Variants in NALCN observed in about 807,000 individuals in gnomAD.
NALCN encodes the protein sodium leak channel, non-selective, also known as sodium leak channel NALCN.
Under a neutral mutation model 225.3 loss-of-function variants are expected in NALCN, and 111 were observed. That is an observed-to-expected ratio of 0.49 (90% CI 0.42 to 0.58). NALCN has a LOEUF of 0.58. Among genes scored for constraint, NALCN ranks in the 20% least tolerant of loss-of-function variants. NALCN has a pLI of 0.00. For missense variants in NALCN, 1,378 were observed against 2,202.4 expected, an observed-to-expected ratio of 0.63 and a Z score of 7.49; for synonymous variants, 764 against 769.0, an observed-to-expected ratio of 0.99 and a Z score of 0.11.
intron 15 of NALCN, among the ~76,000 whole-genome samples, chr13:101,167,555 TGCCAGG>T (rs1321894742): frequency 1.3e-5 from 2 of 152,080 alleles, no homozygotes; most frequent in Non-Finnish European, 2.9e-5. Context: ...AATTGTAAGT[TGCCAGG>T]TTAGGTGGTT....
chr13:101,372,077 T>C (rs1386700374), intron 6 of NALCN, among the ~76,000 whole-genome samples: 1 of 152,178 alleles, frequency 6.6e-6, no homozygotes, highest in African/African-American at 2.4e-5. Flanking sequence ...TGACCCATCA[T>C]ATACCCTGGC....
At chr13:101,120,819 C>T (rs987500888) in intron 18 of NALCN, among the ~76,000 whole-genome samples, 4 of 152,140 alleles carry the variant, frequency 2.6e-5, no homozygotes, top group African/African-American at 9.7e-5. Flanking sequence ...CTTTCTGGTC[C>T]TCAACCACAG....
chr13:101,415,206 C>CATTTATATATATATAT (rs1278371508), intron 1 of NALCN, among the ~76,000 whole-genome samples: 1 of 104,810 alleles, frequency 9.5e-6, no homozygotes, highest in Non-Finnish European at 1.8e-5. Context: ...ACAAATCACA[C>CATTTATATATATATAT]ACATATATAT....
At position 101,244,783 on chromosome 13, in the gene NALCN, C is replaced by T. The variant is rs116457670; in HGVS notation, c.1267-6861G>A. Among the ~76,000 whole-genome samples the T allele has an allele frequency of 9.0e-3, 1,373 of 152,216 alleles. 24 individuals are homozygous for T. Among genetic ancestry groups the T allele is most frequent in the African/African-American group, 0.031 (1,285 of 41,516 alleles). ...TCAGTGTAGGTTATGGGGTTTGGTA[C>T]AGGACTTAAATTCAGAGGACTATAA... On this transcript the variant is annotated intron_variant, in intron 11 of 43. Coordinates refer to ENST00000251127, the MANE Select transcript of NALCN (RefSeq NM_052867.4).
intron 3 of NALCN, among the ~76,000 whole-genome samples, chr13:101,383,857 T>C (rs2046915115): frequency 6.6e-6 from 1 of 152,220 alleles, no homozygotes; most frequent in Non-Finnish European, 1.5e-5. Context: ...ACATATTTTA[T>C]ACATTACCAT....
intron 3 of NALCN, among the ~76,000 whole-genome samples, chr13:101,393,308 T>C (rs761435703): frequency 2.6e-5 from 4 of 152,188 alleles, no homozygotes; most frequent in Non-Finnish European, 4.4e-5. Context: ...AAGTCTGACA[T>C]ATTTTGAGGT....
At chr13:101,223,360 T>C (rs753661752) in intron 13 of NALCN, among the ~76,000 whole-genome samples, 1 of 152,188 alleles carries the variant, frequency 6.6e-6, no homozygotes, top group Non-Finnish European at 1.5e-5. Context: ...ATTTTACCCA[T>C]ATACCCCCAG....
At chr13:101,216,829 C>A (rs1179537600) in intron 13 of NALCN, among the ~76,000 whole-genome samples, 1 of 151,988 alleles carries the variant, frequency 6.6e-6, no homozygotes, top group Admixed American at 6.6e-5. Flanking sequence ...TTGCTTCTAT[C>A]GTGCAATAAC....
At chr13:101,339,858 A>G (rs998458629) in intron 7 of NALCN, among the ~76,000 whole-genome samples, 2 of 152,220 alleles carry the variant, frequency 1.3e-5, no homozygotes, top group Admixed American at 1.3e-4. Flanking sequence ...GGAGGGGAAT[A>G]ATTGATGAAT....
chr13:101,061,175 G>GAGTT (rs1279574803), intron 41 of NALCN, among the ~76,000 whole-genome samples: 1 of 152,160 alleles, frequency 6.6e-6, no homozygotes, highest in Non-Finnish European at 1.5e-5. Context: ...ATTAATTTAT[G>GAGTT]AGTTAGAGAA....
intron 13 of NALCN, among the ~76,000 whole-genome samples, chr13:101,198,697 T>C (rs1364197199): frequency 6.6e-6 from 1 of 152,198 alleles, no homozygotes; most frequent in Non-Finnish European, 1.5e-5. Context: ...TTGGTGGGAC[T>C]GCAAACTAGT....
intron 15 of NALCN, among the ~76,000 whole-genome samples, chr13:101,162,837 A>C (rs1244370816): frequency 1.3e-5 from 2 of 152,246 alleles, no homozygotes; most frequent in African/African-American, 4.8e-5. Flanking sequence ...GGTGGTGTTC[A>C]GTTGGAGTTG....
At chr13:101,235,025 AT>A (rs765768592) in intron 12 of NALCN, among the ~76,000 whole-genome samples, 3 of 151,790 alleles carry the variant, frequency 2.0e-5, no homozygotes, top group Admixed American at 6.6e-5. Context: ...CTTTCTAGTC[AT>A]TTTTTTCCAT....
intron 40 of NALCN, among the ~76,000 whole-genome samples, chr13:101,063,380 C>T (rs1276430588): frequency 3.9e-5 from 6 of 152,198 alleles, no homozygotes; most frequent in African/African-American, 1.4e-4. Context: ...TTGTTTTTAT[C>T]ATATACTGGG....
chr13:101,370,251 A>G (rs769221982), intron 6 of NALCN, among the ~76,000 whole-genome samples: 1 of 152,002 alleles, frequency 6.6e-6, no homozygotes, highest in Non-Finnish European at 1.5e-5. Flanking sequence ...TTGTGGCAAG[A>G]TGGACTACAC....
intron 13 of NALCN, among the ~76,000 whole-genome samples, chr13:101,195,793 C>T (rs561875260): frequency 6.6e-6 from 1 of 152,324 alleles, no homozygotes; most frequent in Non-Finnish European, 1.5e-5. Flanking sequence ...ACTAGAAAGA[C>T]TTGACCCCTT....
intron 3 of NALCN, among the ~76,000 whole-genome samples, chr13:101,386,256 T>A (rs929584903): frequency 1.3e-5 from 2 of 152,198 alleles, no homozygotes; most frequent in African/African-American, 4.8e-5. Flanking sequence ...TTTTCCCATA[T>A]AAATTAGTGA....
At position 101,130,025 on chromosome 13, in the gene NALCN, C is replaced by T. The variant is rs148648565; in HGVS notation, c.2119-5344G>A. Among the ~76,000 whole-genome samples the T allele has an allele frequency of 2.1e-3, 323 of 152,184 alleles. 2 individuals carry two copies. Among genetic ancestry groups the T allele is most frequent in the Middle Eastern group, 0.017 (5 of 294 alleles). ...GAGAATGATGGTTTCCAGCTTCATC[C>T]GTGTCCCTGCAAAGGACATGAGCTC... On this transcript the variant is annotated intron_variant, in intron 17 of 43. Transcript: ENST00000251127.
At chr13:101,351,624 A>G (rs1301414774) in intron 6 of NALCN, among the ~76,000 whole-genome samples, 1 of 152,178 alleles carries the variant, frequency 6.6e-6, no homozygotes, top group Non-Finnish European at 1.5e-5. Context: ...CAACTTAATT[A>G]CCTTGGGAGA....
Sources: allele counts gnomAD v4.1 joint callset (sites outside exome capture counted in the v4.1 genomes callset), GRCh38; gene constraint gnomAD v4.1.1; transcripts MANE v1.5; gene names NCBI Gene and HGNC (gene_info 2026-07-23, HGNC 2026-07-21).